EPHB4: variants seen among roughly 807,000 people sequenced by gnomAD.
EPHB4 encodes EPH receptor B4, also known as ephrin type-B receptor 4.
A neutral mutation model predicts 110.6 loss-of-function variants in EPHB4; 50 were observed. That is an observed-to-expected ratio of 0.45 (90% CI 0.36 to 0.57). The LOEUF is 0.57. EPHB4 is among the 20% of genes least tolerant of loss of function. The pLI is 0.00. For synonymous variants in EPHB4, 592 were observed against 578.4 expected, an observed-to-expected ratio of 1.02 and a Z score of -0.34; for missense variants, 1,128 against 1,382.1, an observed-to-expected ratio of 0.82 and a Z score of 2.91.
chr7:100,812,315 C>T (rs1219494544), intron 12 of EPHB4, among the ~76,000 whole-genome samples: 1 of 151,938 alleles, frequency 6.6e-6, no homozygotes, highest in African/African-American at 2.4e-5. Context: ...GCTGGCCAGG[C>T]GTGGTGCCTC....
At chr7:100,815,389 C>G (rs1813044339) in intron 8 of EPHB4, among the ~76,000 whole-genome samples, 1 of 152,068 alleles carries the variant, frequency 6.6e-6, no homozygotes, top group African/African-American at 2.4e-5. Context: ...ATACATAAAC[C>G]TTGAAAACAT....
intron 16 of EPHB4, among the ~76,000 whole-genome samples, chr7:100,804,031 A>C (rs1031093129): frequency 6.6e-6 from 1 of 152,186 alleles, no homozygotes; most frequent in Non-Finnish European, 1.5e-5. Context: ...CCCCTGGGTC[A>C]GAGAGAGGCT....
At chr7:100,815,951 G>A (rs1193843435) in intron 8 of EPHB4, among the ~76,000 whole-genome samples, 2 of 152,110 alleles carry the variant, frequency 1.3e-5, no homozygotes, top group East Asian at 1.9e-4. Flanking sequence ...TGGTGCCACC[G>A]CACTCCAGCC....
intron 1 of EPHB4, among the ~76,000 whole-genome samples, chr7:100,825,882 T>C (rs1478868472): frequency 6.6e-6 from 1 of 152,156 alleles, no homozygotes; most frequent in Non-Finnish European, 1.5e-5. Context: ...GCCTTCCTCT[T>C]CCCCTCGTTC....
rs767351699 is a variant in EPHB4, at chr7:100,819,770, G to A, written c.1084C>T (p.Arg362Trp). ...REDLTYALRC[R>W]ECRPGGSCAP... is the part of the protein sequence containing the mutation. Reference sequence around the variant, plus strand: ...CAGGAGCCTCCGGGTCGGCACTCCCGGCAGCGGAGGGCGTAGGTGAGGTCC... The same window carrying A: ...CAGGAGCCTCCGGGTCGGCACTCCCAGCAGCGGAGGGCGTAGGTGAGGTCC... The change falls in exon 6 of 17, where the codon CGG (arginine) becomes TGG (tryptophan). Residue 362 changes from arginine (R) to tryptophan (W), a missense_variant. By Grantham distance (101) the Arg-to-Trp change is moderately radical. This residue lies in a region of EPHB4 where 728 missense variants were observed against 828.6 expected (regional missense o/e 0.88). Coordinates refer to ENST00000358173, the MANE Select transcript of EPHB4 (RefSeq NM_004444.5). The A allele has an allele frequency of 2.1e-5, 33 of 1,589,656 alleles. No homozygotes were observed. Among genetic ancestry groups the A allele is most frequent in the East Asian group, 2.3e-5 (1 of 43,350 alleles).
In EPHB4 at chr7:100,802,670, TCCA is replaced by T. The variant is rs1812722253; in HGVS notation, c.*788_*790del. 6.6e-6 allele frequency: 1 copy of T among 152,188 alleles called. No individual in the cohort carries two copies. The highest frequency in any genetic ancestry group is 2.1e-4 in the South Asian group (1 of 4,830). The allele number at this position is 152,188 out of a possible 1,614,324, so 9.4% of individuals were successfully genotyped here. A position where few individuals can be genotyped will look rare whatever the true frequency, so the allele number is the denominator to read the frequency against. ...CAAGCACCGGCGTCCGTTTCTGGGT[TCCA>T]CCACCAACTACCGCCCTTTTCACTA... is the stretch of plus-strand genomic sequence containing the variant. On this transcript the variant is annotated 3_prime_UTR_variant, in exon 17 of 17. Coordinates refer to ENST00000358173, the MANE Select transcript of EPHB4 (RefSeq NM_004444.5).
intron 4 of EPHB4, chr7:100,820,535 G>A (rs1451842899): frequency 1.3e-5 from 5 of 381,824 alleles, no homozygotes; most frequent in African/African-American, 4.2e-5. Context: ...ATGGACAAAA[G>A]ATCTCAAAAC....
At chr7:100,813,862 A>C in intron 9 of EPHB4, 57 bp downstream of exon 9, 1 of 1,608,658 alleles carries the variant, frequency 6.2e-7, no homozygotes, top group Non-Finnish European at 8.5e-7. Flanking sequence ...TGTAGCACCC[A>C]GGCAGGTGGC....
intron 5 of EPHB4, 88 bp downstream of exon 5, chr7:100,820,053 C>A: frequency 6.5e-7 from 1 of 1,548,234 alleles, no homozygotes; most frequent in Non-Finnish European, 8.7e-7. Flanking sequence ...AGGGAAGAAG[C>A]CCAGGGAGGA....
intron 1 of EPHB4, among the ~76,000 whole-genome samples, chr7:100,826,155 T>C (rs1004183715): frequency 6.6e-6 from 1 of 152,214 alleles, no homozygotes; most frequent in Non-Finnish European, 1.5e-5. Flanking sequence ...TCTAGGGCTC[T>C]TGGCTCCCCC....
Position 100,826,961 on chromosome 7 carries a change from C to G in EPHB4, c.52+18G>C. On this transcript the variant is annotated intron_variant, in intron 1 of 16. Coordinates refer to ENST00000358173, the MANE Select transcript of EPHB4 (RefSeq NM_004444.5). ...CCCAGGAGTGACGGGGTGCGCCCCC[C>G]CCCGCAAGGAAACTCACCTTCCAAA... The G allele has an allele frequency of 1.3e-6, 2 of 1,528,712 alleles. No homozygotes were observed. The highest frequency in any genetic ancestry group is 1.7e-4 in the Middle Eastern group (1 of 5,838). The allele number at this position is 1,528,712 out of a possible 1,614,324, so 94.7% of individuals were successfully genotyped here. A position where few individuals can be genotyped will look rare whatever the true frequency, so the allele number is the denominator to read the frequency against.
chr7:100,818,434 C>T (rs1340985751), intron 7 of EPHB4, 86 bp downstream of exon 7: 8 of 1,557,790 alleles, frequency 5.1e-6, no homozygotes, highest in Non-Finnish European at 7.0e-6. Flanking sequence ...AATTCAAATG[C>T]CTGCCAGGTG....
intron 12 of EPHB4, among the ~76,000 whole-genome samples, chr7:100,807,928 C>A (rs1299209565): frequency 2.0e-5 from 3 of 152,164 alleles, no homozygotes; most frequent in Middle Eastern, 3.2e-3. Flanking sequence ...CCGTACCCAG[C>A]CTCCCGTCCA....
In EPHB4 at chr7:100,827,178, G is replaced by A; in HGVS notation, c.-148C>T. 3 of 716,662 alleles carry A rather than the reference G, an allele frequency of 4.2e-6. No individual in the cohort carries two copies. Among genetic ancestry groups the A allele is most frequent in the South Asian group, 4.2e-5 (1 of 23,790 alleles). The allele number at this position is 716,662 out of a possible 1,614,324, so 44.4% of individuals were successfully genotyped here. On this transcript the variant is annotated 5_prime_UTR_variant, in exon 1 of 17. Transcript: ENST00000358173. ...GCGCGGGCCCATGCGAGCGTGCGGG[G>A]CACCGGGCGGCGGCGCCAAGTGTGG...
Position 100,813,716 on chromosome 7 carries a change from C to T in EPHB4, c.1692G>A (p.Arg564=), listed in dbSNP as rs968174852. 1.2e-6 allele frequency: 2 copies of T among 1,614,092 alleles called. No homozygotes were observed. Among genetic ancestry groups the T allele is most frequent in the African/African-American group, 2.7e-5 (2 of 74,934 alleles). The change falls in exon 10 of 17, where the codon AGG becomes AGA. Residue 564 remains arginine (R), a splice_region_variant and synonymous_variant. Coordinates refer to ENST00000358173, the MANE Select transcript of EPHB4 (RefSeq NM_004444.5). ...CTGCTTCTCTCCCATTGCTCTGCTT[C>T]CTGTAGCCGATGGGAAAGGAACAAA... The part of the protein sequence containing the change: ...VVIVVAVLCL[R]KQSNGREAEY...
chr7:100,803,410 T>C lies in EPHB4; in HGVS notation c.*51A>G, dbSNP rs1291288259. ...TGGGGGCCTCTGTGAGTCCCCACTC[T>C]GCCCCGGAAAATGGGGAGGCGGTGT... On this transcript the variant is annotated 3_prime_UTR_variant, in exon 17 of 17. Transcript: ENST00000358173. 4.1e-6 allele frequency: 6 copies of C among 1,474,042 alleles called. No individual in the cohort carries two copies. In the Admixed American group the frequency reaches 1.1e-4, roughly 26 times the overall value. 91.3% of individuals were successfully genotyped at this position (1,474,042 alleles called of 1,614,324 possible).
chr7:100,820,169 G>A lies in EPHB4; in HGVS notation c.936C>T (p.Arg312=). Residue 312 remains arginine (R), a synonymous_variant, in exon 5 of 17, where the codon CGC becomes CGT. Transcript: ENST00000358173. ...CQCRVGYFRA[R]TDPRGAPCTT... is the part of the protein sequence containing the mutation. The stretch of plus-strand genomic sequence containing the variant: ...TGCAGGGTGCACCCCGGGGGTCTGT[G>A]CGTGCCCGGAAGTACCCGACGCGGC... The A allele has an allele frequency of 6.2e-7, 1 of 1,614,020 alleles. No individual in the cohort carries two copies. The highest frequency in any genetic ancestry group is 1.7e-5 in the Admixed American group (1 of 60,020).
chr7:100,814,925 G>A (rs1332916729), intron 8 of EPHB4, among the ~76,000 whole-genome samples: 1 of 152,172 alleles, frequency 6.6e-6, no homozygotes, highest in Non-Finnish European at 1.5e-5. Context: ...GCTGAGGTAG[G>A]AGGATCGCTT....
At chr7:100,812,314 G>A (rs1812953073) in intron 12 of EPHB4, among the ~76,000 whole-genome samples, 3 of 152,120 alleles carry the variant, frequency 2.0e-5, no homozygotes, top group Admixed American at 1.3e-4. Context: ...GGCTGGCCAG[G>A]CGTGGTGCCT....
Sources: allele counts gnomAD v4.1 joint callset (sites outside exome capture counted in the v4.1 genomes callset), GRCh38; gene constraint gnomAD v4.1.1; regional missense constraint gnomAD v4.1.1; transcripts MANE v1.5; gene names NCBI Gene and HGNC (gene_info 2026-07-23, HGNC 2026-07-21).